Variants in RBFOX1 observed in about 807,000 individuals in gnomAD.
RBFOX1 encodes RNA binding protein fox-1 homolog 1.
A neutral mutation model predicts 57.7 loss-of-function variants in RBFOX1; 8 were observed. That is an observed-to-expected ratio of 0.14 (90% CI 0.08 to 0.25). RBFOX1 has a LOEUF of 0.25. Among genes scored for constraint, RBFOX1 ranks in the 10% least tolerant of loss-of-function variants. The pLI is 1.00. For missense variants in RBFOX1, 611 were observed against 548.5 expected (o/e 1.11, Z -1.14); for synonymous variants, 326 against 222.4 (o/e 1.47, Z -4.15).
intron 14 of RBFOX1, among the ~76,000 whole-genome samples, chr16:7,702,499 G>C (rs991956391): frequency 7.9e-5 from 12 of 152,164 alleles, no homozygotes; most frequent in African/African-American, 2.9e-4. Flanking sequence ...GGATGGTTGA[G>C]TTGGAAAACA....
At chr16:6,809,743 A>G (rs899999969) in intron 3 of RBFOX1, among the ~76,000 whole-genome samples, 1 of 152,168 alleles carries the variant, frequency 6.6e-6, no homozygotes, top group African/African-American at 2.4e-5. Flanking sequence ...CGACAGAGTT[A>G]TTTATGAGAT....
intron 2 of RBFOX1, among the ~76,000 whole-genome samples, chr16:6,463,044 TA>T (rs1324386925): frequency 6.6e-6 from 1 of 152,230 alleles, no homozygotes; most frequent in East Asian, 1.9e-4. Context: ...CTAGTCCACT[TA>T]AAAGTACTTT....
intron 1 of RBFOX1, among the ~76,000 whole-genome samples, chr16:5,369,902 C>T (rs1264789241): frequency 6.6e-6 from 1 of 152,038 alleles, no homozygotes; most frequent in Non-Finnish European, 1.5e-5. Flanking sequence ...TTTGCACCAA[C>T]CTATAGATGT....
At chr16:7,246,428 G>C (rs955848145) in intron 4 of RBFOX1, among the ~76,000 whole-genome samples, 1 of 152,030 alleles carries the variant, frequency 6.6e-6, no homozygotes, top group African/African-American at 2.4e-5. Context: ...GATTTTTTTA[G>C]TGGCCTCCTG....
chr16:6,222,165 T>G (rs1256861309), intron 1 of RBFOX1, among the ~76,000 whole-genome samples: 1 of 152,162 alleles, frequency 6.6e-6, no homozygotes, highest in Non-Finnish European at 1.5e-5. Flanking sequence ...GAAATGAATG[T>G]TTTAGACTAG....
In RBFOX1 at chr16:7,446,798, A is replaced by AT. The variant is rs34580591; in HGVS notation, c.28-71317dup. ...TTCTCAAGCCAAGGTAGGTCTAGGTATTTTTTTTTTTTTTTTTTTTTTTTT... is the reference window on the plus strand; with the variant it reads ...TTCTCAAGCCAAGGTAGGTCTAGGTATTTTTTTTTTTTTTTTTTTTTTTTTT... On this transcript the variant is annotated intron_variant, in intron 4 of 15. Coordinates refer to ENST00000550418, the MANE Select transcript of RBFOX1 (RefSeq NM_018723.4). 2.9e-3 allele frequency among the ~76,000 whole-genome samples: 144 copies of AT among 49,014 alleles called. 15 individuals carry two copies. Among genetic ancestry groups the AT allele is most frequent in the Non-Finnish European group, 3.2e-3 (93 of 28,906 alleles). The allele number at this position is 49,014 out of a possible 152,430, so 32.2% of individuals were successfully genotyped here.
At chr16:7,407,531 G>C (rs775653458) in intron 4 of RBFOX1, among the ~76,000 whole-genome samples, 18 of 152,120 alleles carry the variant, frequency 1.2e-4, no homozygotes, top group Non-Finnish European at 2.2e-4. Context: ...TATGTTGCCT[G>C]GTAAGTGGGG....
chr16:6,776,639 G>C (rs897708763), intron 3 of RBFOX1, among the ~76,000 whole-genome samples: 1 of 151,946 alleles, frequency 6.6e-6, no homozygotes, highest in African/African-American at 2.4e-5. Flanking sequence ...CTTTCAAATC[G>C]GTATGCCATC....
At chr16:5,814,917 C>G (rs1004459420) in intron 3 of RBFOX1, among the ~76,000 whole-genome samples, 11 of 151,018 alleles carry the variant, frequency 7.3e-5, no homozygotes, top group African/African-American at 2.2e-4. Context: ...GCCTGGGCGA[C>G]AGAGCGAGAC....
At chr16:5,431,966 G>T (rs1004360174) in intron 1 of RBFOX1, among the ~76,000 whole-genome samples, 13 of 152,110 alleles carry the variant, frequency 8.5e-5, no homozygotes, top group Admixed American at 3.3e-4. Context: ...GGGTGTTGAG[G>T]GGGGTGTCTG....
intron 1 of RBFOX1, among the ~76,000 whole-genome samples, chr16:6,154,148 C>G (rs1044557441): frequency 2.0e-5 from 3 of 152,172 alleles, no homozygotes; most frequent in African/African-American, 7.2e-5. Context: ...GCTTACTAAG[C>G]CTGTAACATC....
At chr16:6,762,063 C>A (rs1255902284) in intron 3 of RBFOX1, among the ~76,000 whole-genome samples, 2 of 151,424 alleles carry the variant, frequency 1.3e-5, no homozygotes, top group East Asian at 2.0e-4. Flanking sequence ...TTCTCTGGAG[C>A]CTGATCTCCA....
chr16:5,762,121 C>G (rs989786530), intron 3 of RBFOX1, among the ~76,000 whole-genome samples: 1 of 152,182 alleles, frequency 6.6e-6, no homozygotes, highest in East Asian at 1.9e-4. Context: ...ATAGTATACA[C>G]TGTCTGGCAA....
chr16:6,089,238 C>A (rs17139355), intron 1 of RBFOX1, among the ~76,000 whole-genome samples: 3,857 of 152,118 alleles, frequency 0.025, 125 homozygotes, highest in African/African-American at 0.076. Context: ...TCCCGATTAA[C>A]TGAGTAGCAG....
chr16:7,475,337 T>A (rs1467681313), intron 4 of RBFOX1, among the ~76,000 whole-genome samples: 1 of 148,992 alleles, frequency 6.7e-6, no homozygotes, highest in African/African-American at 2.5e-5. Flanking sequence ...TCTTTCTAGA[T>A]GGAGTCTCGC....
chr16:5,741,231 C>T (rs2052759279), intron 3 of RBFOX1, among the ~76,000 whole-genome samples: 2 of 152,124 alleles, frequency 1.3e-5, no homozygotes, highest in Non-Finnish European at 2.9e-5. Flanking sequence ...CACGTCATTC[C>T]AAACCACCAG....
At chr16:5,552,189 C>G (rs1020096379) in intron 2 of RBFOX1, among the ~76,000 whole-genome samples, 3 of 152,194 alleles carry the variant, frequency 2.0e-5, no homozygotes, top group African/African-American at 7.2e-5. Context: ...TGCAGCTTCT[C>G]TGAGATAACC....
At chr16:7,289,340 A>G (rs1213856629) in intron 4 of RBFOX1, among the ~76,000 whole-genome samples, 1 of 151,430 alleles carries the variant, frequency 6.6e-6, no homozygotes, top group Non-Finnish European at 1.5e-5. Context: ...GTCAATGTAC[A>G]TTGCCTTACT....
chr16:6,683,636 A>G (rs1261517819), intron 3 of RBFOX1, among the ~76,000 whole-genome samples: 3 of 152,224 alleles, frequency 2.0e-5, no homozygotes, highest in East Asian at 1.9e-4. Flanking sequence ...TCCAAACTGC[A>G]TAGACCAAAT....
Sources: gnomAD v4.1 joint callset for allele counts (sites outside exome capture counted in the v4.1 genomes callset) on GRCh38, gnomAD v4.1.1 for gene constraint, MANE v1.5 for transcripts, NCBI Gene and HGNC (gene_info 2026-07-23, HGNC 2026-07-21) for gene names.